PIGZ: variants seen among roughly 807,000 people sequenced by gnomAD.
PIGZ encodes the protein phosphatidylinositol glycan anchor biosynthesis class Z (Gwada blood group), also known as GPI alpha-1,2-mannosyltransferase 4.
In PIGZ, 16 loss-of-function variants were observed where a neutral mutation model predicts 16.4. That is an observed-to-expected ratio of 0.97 (90% confidence interval 0.66 to 1.48). PIGZ has a LOEUF of 1.48. PIGZ is among the 40% of genes most tolerant of loss of function. The pLI is 0.00. For missense variants in PIGZ, 770 were observed against 739.2 expected (o/e 1.04, Z -0.48); for synonymous variants, 409 against 338.4 (o/e 1.21, Z -2.29).
chr3:196,948,433 C>T lies in PIGZ; in HGVS notation c.464G>A (p.Arg155His), dbSNP rs150001262. 811 of 1,614,154 alleles carry T rather than the reference C, an allele frequency of 5.0e-4. No individual in the cohort carries two copies. The highest frequency in any genetic ancestry group is 6.4e-4 in the Non-Finnish European group (760 of 1,180,020). Residue 155 changes from arginine (R) to histidine (H), a missense_variant, in exon 3 of 3, where the codon CGC (arginine) becomes CAC (histidine). Transcript: ENST00000412723. ...AGACAGCAGGGCCAGGGCGTTCCAGCGATCCGCCCCCATCGGCGGGGCCAG... is the reference window on the plus strand; with the variant it reads ...AGACAGCAGGGCCAGGGCGTTCCAGTGATCCGCCCCCATCGGCGGGGCCAG... ...YHLAPPMGAD[R>H]WNALALLSGS...
Position 196,948,586 on chromosome 3 carries a change from A to C in PIGZ, c.311T>G (p.Phe104Cys). The change falls in exon 3 of 3, where the codon TTC (phenylalanine) becomes TGC (cysteine). Residue 104 changes from phenylalanine (F) to cysteine (C), a missense_variant. Transcript: ENST00000412723. ...LFPLLISGST[F>C]WLLRLWEELG... is the part of the protein sequence containing the mutation. ...CTCCTCCCAGAGCCTGAGCAGCCAG[A>C]AGGTGGAACCAGAGATCAGCAGGGG... 6.3e-7 allele frequency: 1 copy of C among 1,583,294 alleles called. No individual in the cohort carries two copies. Among genetic ancestry groups the C allele is most frequent in the South Asian group, 1.1e-5 (1 of 87,752 alleles).
intron 1 of PIGZ, among the ~76,000 whole-genome samples, chr3:196,959,564 A>G (rs1231976059): frequency 2.0e-5 from 3 of 152,078 alleles, no homozygotes; most frequent in African/African-American, 7.2e-5. Context: ...TCTCTCTACC[A>G]TTCTTAGAAA....
intron 2 of PIGZ, among the ~76,000 whole-genome samples, chr3:196,950,499 A>G (rs1317252347): frequency 6.6e-6 from 1 of 152,166 alleles, no homozygotes; most frequent in Non-Finnish European, 1.5e-5. Flanking sequence ...CAGCCTGCGG[A>G]TCATTCGGGC....
chr3:196,952,626 CG>C (rs1434293225), intron 1 of PIGZ, among the ~76,000 whole-genome samples: 1 of 152,090 alleles, frequency 6.6e-6, no homozygotes, highest in Non-Finnish European at 1.5e-5. Context: ...TTAGTAGAGA[CG>C]GGGTTTCATC....
intron 2 of PIGZ, among the ~76,000 whole-genome samples, chr3:196,950,444 G>A (rs1376790075): frequency 6.6e-6 from 1 of 152,260 alleles, no homozygotes; most frequent in Non-Finnish European, 1.5e-5. Flanking sequence ...ATTGTTCACA[G>A]CGTCTCTTGC....
chr3:196,953,579 C>G (rs116068534), intron 1 of PIGZ, among the ~76,000 whole-genome samples: 2,035 of 152,356 alleles, frequency 0.013, 47 homozygotes, highest in African/African-American at 0.045. Context: ...CCATGGCATG[C>G]TGGATCTGTA....
intron 1 of PIGZ, among the ~76,000 whole-genome samples, chr3:196,957,258 C>T (rs1036393233): frequency 6.6e-6 from 1 of 151,834 alleles, no homozygotes; most frequent in Admixed American, 6.6e-5. Context: ...TTCATGAGGG[C>T]AGGCTCATGA....
chr3:196,958,807 A>T (rs186763694), intron 1 of PIGZ, among the ~76,000 whole-genome samples: 8 of 152,300 alleles, frequency 5.3e-5, no homozygotes, highest in Admixed American at 5.2e-4. Flanking sequence ...GAAAAGCTAA[A>T]TTAGTTTAAG....
Position 196,948,169 on chromosome 3 carries a change from G to A in PIGZ, c.728C>T (p.Thr243Ile), listed in dbSNP as rs746731589. ...CAAACCAGGGTTTGTGGCTCCACGA[G>A]TGCCCCAGAGGTAGAGGGGGACCAC... ...FAVVPLYLWG[T>I]RGATNPGLKS... The change falls in exon 3 of 3, where the codon ACT becomes ATT. Residue 243 changes from threonine (T) to isoleucine (I), a missense_variant. Physicochemically the swap from Thr to Ile is moderately conservative, Grantham distance 89. Transcript: ENST00000412723. The A allele has an allele frequency of 1.9e-6, 3 of 1,613,488 alleles. No individual in the cohort carries two copies. The highest frequency in any genetic ancestry group is 3.3e-4 in the Middle Eastern group (2 of 6,050).
rs768845839 is a variant in PIGZ, at chr3:196,947,598, C to A, written c.1299G>T (p.Gly433=). The A allele has an allele frequency of 6.2e-7, 1 of 1,613,716 alleles. No individual in the cohort carries two copies. The highest frequency in any genetic ancestry group is 1.1e-5 in the South Asian group (1 of 91,032). The change falls in exon 3 of 3, where the codon GGG becomes GGT. Residue 433 remains glycine, a synonymous_variant. Transcript: ENST00000412723. The part of the protein sequence containing the change: ...GALLFGCLHQ[G]GLVPGLEYLE... Reference sequence around the variant, plus strand: ...GGTACTCCAGGCCAGGCACCAGGCCCCCCTGATGCAGGCAGCCGAAGAGGA... The same window carrying A: ...GGTACTCCAGGCCAGGCACCAGGCCACCCTGATGCAGGCAGCCGAAGAGGA...
chr3:196,958,298 A>G (rs1216545314), intron 1 of PIGZ, among the ~76,000 whole-genome samples: 3 of 152,322 alleles, frequency 2.0e-5, no homozygotes, highest in Admixed American at 6.5e-5. Flanking sequence ...TAAGCCAAAA[A>G]GGGAAAATGG....
At chr3:196,960,022 A>G (rs1717645531) in intron 1 of PIGZ, among the ~76,000 whole-genome samples, 2 of 152,234 alleles carry the variant, frequency 1.3e-5, no homozygotes, top group Non-Finnish European at 1.5e-5. Context: ...ATGTTCGTGC[A>G]TCAGCTTTCC....
chr3:196,956,057 A>G (rs1369603345), intron 1 of PIGZ, among the ~76,000 whole-genome samples: 1 of 151,552 alleles, frequency 6.6e-6, no homozygotes, highest in Non-Finnish European at 1.5e-5. Context: ...AATACCATAT[A>G]TTATTTAATA....
intron 2 of PIGZ, among the ~76,000 whole-genome samples, 185 bp from the exon 3 acceptor site, chr3:196,948,870 T>TCCTTC (rs1553836706): frequency 2.3e-4 from 15 of 66,238 alleles, no homozygotes; most frequent in African/African-American, 1.3e-3. Context: ...TTCCTTCCCT[T>TCCTTC]CCTTCCTTCC....
chr3:196,947,568 C>T lies in PIGZ; in HGVS notation c.1329G>A (p.Glu443=). The change falls in exon 3 of 3, where the codon GAG becomes GAA. Residue 443 remains glutamate (E), a synonymous_variant. Transcript: ENST00000412723. The part of the protein sequence containing the change: ...GGLVPGLEYL[E]QVVHAPVLPS... ...GGAGCACAGGGGCATGGACCACCTG[C>T]TCCAGGTACTCCAGGCCAGGCACCA... is the stretch of plus-strand genomic sequence containing the variant. The T allele has an allele frequency of 6.2e-7, 1 of 1,613,854 alleles. No homozygotes were observed. The highest frequency in any genetic ancestry group is 8.5e-7 in the Non-Finnish European group (1 of 1,179,970).
rs200263090 is a variant in PIGZ at position 196,947,489 on chromosome 3, G to C, written c.1408C>G (p.Arg470Gly). 1 of 1,613,138 alleles carries C rather than the reference G, an allele frequency of 6.2e-7. No individual in the cohort carries two copies. Among genetic ancestry groups the C allele is most frequent in the South Asian group, 1.1e-5 (1 of 91,022 alleles). The change falls in exon 3 of 3, where the codon CGG (arginine) becomes GGG (glycine). Residue 470 changes from arginine to glycine, a missense_variant. Coordinates refer to ENST00000412723, the MANE Select transcript of PIGZ (RefSeq NM_025163.4). ...LLFTHTYMPP[R>G]HLLHLPGLGA... Reference sequence around the variant, plus strand: ...AGGCCTGGGAGGTGTAGGAGGTGCCGGGGGGGCATGTAGGTGTGAGTGAAG... The same window carrying C: ...AGGCCTGGGAGGTGTAGGAGGTGCCCGGGGGGCATGTAGGTGTGAGTGAAG...
intron 1 of PIGZ, among the ~76,000 whole-genome samples, chr3:196,959,416 A>T (rs498226): frequency 0.8 from 121,713 of 152,220 alleles, 49,478 homozygotes; most frequent in African/African-American, 0.95. Context: ...GTTTTGTCAC[A>T]TAGGAAAGTA....
intron 1 of PIGZ, among the ~76,000 whole-genome samples, chr3:196,958,661 A>G (rs1717595403): frequency 6.6e-6 from 1 of 152,198 alleles, no homozygotes. Flanking sequence ...ACAAACAAAC[A>G]AAAAACACTG....
intron 1 of PIGZ, among the ~76,000 whole-genome samples, chr3:196,961,027 A>G (rs1717700783): frequency 6.6e-6 from 1 of 152,236 alleles, no homozygotes; most frequent in African/African-American, 2.4e-5. Context: ...AATAAATACC[A>G]TCTTCCTGCT....
Sources: allele counts gnomAD v4.1 joint callset (sites outside exome capture counted in the v4.1 genomes callset), GRCh38; gene constraint gnomAD v4.1.1; transcripts MANE v1.5; gene names NCBI Gene and HGNC (gene_info 2026-07-23, HGNC 2026-07-21).